Variants in KCNH7 observed in about 807,000 individuals in gnomAD.
KCNH7 encodes voltage-gated inwardly rectifying potassium channel KCNH7.
In KCNH7, 49 loss-of-function variants were observed where a neutral mutation model predicts 120.8. That is an observed-to-expected ratio of 0.41 (90% CI 0.32 to 0.51). The LOEUF (loss-of-function observed/expected upper bound fraction) is 0.51, where lower values mean the gene tolerates loss of function less well. Ranked by LOEUF, KCNH7 falls within the 20% of genes least tolerant of loss-of-function variation. The pLI is 0.38. For synonymous variants in KCNH7, 547 were observed against 516.1 expected, an observed-to-expected ratio of 1.06 and a Z score of -0.81; for missense variants, 1,097 against 1,446.6, an observed-to-expected ratio of 0.76 and a Z score of 3.92.
In KCNH7 at chr2:162,639,268, T is replaced by C. The variant is rs373386673; in HGVS notation, c.308-102188A>G. ...TATTACCTTGTGCTAATCATTTTAC[T>C]AGCATTATCTCATTCAATCCTCACA... On this transcript the variant is annotated intron_variant, in intron 2 of 15. Coordinates refer to ENST00000332142, the MANE Select transcript of KCNH7 (RefSeq NM_033272.4). 3.3e-5 allele frequency among the ~76,000 whole-genome samples: 5 copies of C among 152,190 alleles called. No individual in the cohort carries two copies. The East Asian group carries it at 5.8e-4, about 18-fold the overall frequency.
intron 2 of KCNH7, among the ~76,000 whole-genome samples, chr2:162,718,340 A>G (rs988606408): frequency 2.0e-5 from 3 of 152,010 alleles, no homozygotes; most frequent in African/African-American, 2.4e-5. Context: ...AATGACCATC[A>G]TTGTCTAAAC....
intron 2 of KCNH7, among the ~76,000 whole-genome samples, chr2:162,561,050 AC>A (rs1367672913): frequency 3.3e-5 from 3 of 91,430 alleles, no homozygotes; most frequent in African/African-American, 6.8e-5. Flanking sequence ...AAATGAAATA[AC>A]CTTTTTTTTT....
intron 2 of KCNH7, among the ~76,000 whole-genome samples, chr2:162,668,624 T>A (rs1453565675): frequency 6.6e-6 from 1 of 151,874 alleles, no homozygotes; most frequent in Non-Finnish European, 1.5e-5. Context: ...AAATAAATCT[T>A]CCAAGAAGGG....
rs538858657 is a variant in KCNH7, at chr2:162,635,989, C to T, written c.308-98909G>A. Reference sequence around the variant, plus strand: ...CACTTTACGAAATACATCAAAAGCTCACTTTACCTCTCTTGGAAGAGCCCA... The same window carrying T: ...CACTTTACGAAATACATCAAAAGCTTACTTTACCTCTCTTGGAAGAGCCCA... On this transcript the variant is annotated intron_variant, in intron 2 of 15. Transcript: ENST00000332142. Among the ~76,000 whole-genome samples the T allele has an allele frequency of 3.3e-5, 5 of 152,198 alleles. No homozygotes were observed. The South Asian group carries it at 1.0e-3, about 32-fold the overall frequency.
At chr2:162,616,041 T>C (rs1051492644) in intron 2 of KCNH7, among the ~76,000 whole-genome samples, 15 of 152,306 alleles carry the variant, frequency 9.8e-5, no homozygotes, top group African/African-American at 2.9e-4. Flanking sequence ...AAATCGAAAG[T>C]GTTGCTGGAG....
chr2:162,422,595 C>T (rs1435764079), intron 9 of KCNH7, among the ~76,000 whole-genome samples: 1 of 151,964 alleles, frequency 6.6e-6, no homozygotes, highest in Non-Finnish European at 1.5e-5. Context: ...GTGGGCAATT[C>T]TCCTAATAAT....
intron 2 of KCNH7, among the ~76,000 whole-genome samples, chr2:162,782,515 G>A (rs1035093975): frequency 1.3e-5 from 2 of 152,200 alleles, no homozygotes; most frequent in Non-Finnish European, 2.9e-5. Flanking sequence ...GAAGGCCAGT[G>A]TGGCTGGAGC....
chr2:162,471,619 C>G (rs1689533530), intron 6 of KCNH7, among the ~76,000 whole-genome samples: 1 of 152,198 alleles, frequency 6.6e-6, no homozygotes, highest in Non-Finnish European at 1.5e-5. Context: ...ACATTACATG[C>G]TCATGGATAG....
intron 2 of KCNH7, among the ~76,000 whole-genome samples, chr2:162,752,502 T>C (rs542866431): frequency 6.6e-6 from 1 of 152,288 alleles, no homozygotes; most frequent in African/African-American, 2.4e-5. Context: ...AGTCAATTCA[T>C]TTCCTATGAA....
At chr2:162,700,224 C>A (rs1686446098) in intron 2 of KCNH7, among the ~76,000 whole-genome samples, 2 of 152,084 alleles carry the variant, frequency 1.3e-5, no homozygotes, top group African/African-American at 4.8e-5. Context: ...CCCCCCAGAG[C>A]CCCAGACAAA....
chr2:162,683,609 A>G (rs1293805050), intron 2 of KCNH7, among the ~76,000 whole-genome samples: 2 of 151,892 alleles, frequency 1.3e-5, no homozygotes. Flanking sequence ...GATTTCCTAA[A>G]ATAGAAAGAC....
chr2:162,417,497 C>CA (rs1000906879), intron 9 of KCNH7, among the ~76,000 whole-genome samples: 7 of 152,104 alleles, frequency 4.6e-5, no homozygotes, highest in Non-Finnish European at 7.4e-5. Flanking sequence ...TTTCAAAAAA[C>CA]AATTTGAGAC....
At chr2:162,757,557 G>A (rs1455862784) in intron 2 of KCNH7, among the ~76,000 whole-genome samples, 2 of 152,050 alleles carry the variant, frequency 1.3e-5, no homozygotes, top group African/African-American at 4.8e-5. Flanking sequence ...ACAAAAAAAT[G>A]TATATATCTT....
At chr2:162,699,881 T>C (rs1686429523) in intron 2 of KCNH7, among the ~76,000 whole-genome samples, 1 of 152,152 alleles carries the variant, frequency 6.6e-6, no homozygotes, top group Non-Finnish European at 1.5e-5. Context: ...CTCCACTCTT[T>C]GTTTTCTGAA....
rs575359874 is a variant in KCNH7 at position 162,447,974 on chromosome 2, T to C, written c.1129-1531A>G. Among the ~76,000 whole-genome samples the C allele has an allele frequency of 5.7e-4, 87 of 152,240 alleles. 1 individual carries two copies. In the Middle Eastern group the frequency reaches 0.031, roughly 54 times the overall value. ...TCAAAAAATAATAAAGAATCTGACC[T>C]GACCACTTAATCAGTCCACTGTAAA... is the stretch of plus-strand genomic sequence containing the variant. On this transcript the variant is annotated intron_variant, in intron 6 of 15. Transcript: ENST00000332142.
intron 2 of KCNH7, among the ~76,000 whole-genome samples, chr2:162,769,239 C>T (rs1166837290): frequency 7.2e-6 from 1 of 138,862 alleles, no homozygotes; most frequent in Non-Finnish European, 1.5e-5. Context: ...TGGAAACGCT[C>T]CAGTTTATTT....
At chr2:162,734,600 C>T (rs1037120346) in intron 2 of KCNH7, among the ~76,000 whole-genome samples, 2 of 152,104 alleles carry the variant, frequency 1.3e-5, no homozygotes, top group Non-Finnish European at 2.9e-5. Context: ...GATAGTGTGG[C>T]ACTCCTTGCC....
At chr2:162,484,586 C>T (rs1256765759) in intron 6 of KCNH7, among the ~76,000 whole-genome samples, 1 of 152,130 alleles carries the variant, frequency 6.6e-6, no homozygotes, top group African/African-American at 2.4e-5. Context: ...TAAACATGTA[C>T]AGAAGATCAT....
chr2:162,618,102 C>A (rs1045605685), intron 2 of KCNH7, among the ~76,000 whole-genome samples: 5 of 151,698 alleles, frequency 3.3e-5, no homozygotes. Context: ...ATTAATTTAT[C>A]CTCTCAAGCA....
Sources: gnomAD v4.1 joint callset for allele counts (sites outside exome capture counted in the v4.1 genomes callset) on GRCh38, gnomAD v4.1.1 for gene constraint, MANE v1.5 for transcripts, NCBI Gene and HGNC (gene_info 2026-07-23, HGNC 2026-07-21) for gene names.